Variants in KALRN observed in about 807,000 individuals in gnomAD.
The protein encoded by KALRN is kalirin.
KALRN carries 70 observed loss-of-function variants against 353.7 expected under a neutral mutation model. That is an observed-to-expected ratio of 0.20 (90% CI 0.16 to 0.24). The LOEUF is 0.24. Among genes scored for constraint, KALRN ranks in the 10% least tolerant of loss-of-function variants. KALRN has a pLI of 1.00. For missense variants in KALRN, 2,791 were observed against 3,756.7 expected, an observed-to-expected ratio of 0.74 and a Z score of 6.72; for synonymous variants, 1,391 against 1,434.8, an observed-to-expected ratio of 0.97 and a Z score of 0.69.
intron 34 of KALRN, among the ~76,000 whole-genome samples, chr3:124,587,449 GGAA>G (rs1160050561): frequency 6.6e-6 from 1 of 152,190 alleles, no homozygotes; most frequent in Admixed American, 6.5e-5. Context: ...AGAACCAAGA[GGAA>G]GTGGAATGTT....
At chr3:124,280,337 G>T (rs1250269652) in intron 5 of KALRN, among the ~76,000 whole-genome samples, 3 of 152,140 alleles carry the variant, frequency 2.0e-5, no homozygotes, top group African/African-American at 7.2e-5. Context: ...CCCTCCTGTA[G>T]TTACACCCTG....
intron 33 of KALRN, among the ~76,000 whole-genome samples, chr3:124,553,055 C>G (rs557741289): frequency 6.6e-6 from 1 of 152,092 alleles, no homozygotes; most frequent in Admixed American, 6.6e-5. Context: ...CGTGAGCCAC[C>G]GCGCCCAGCC....
At chr3:124,595,188 TG>T (rs2076163771) in intron 34 of KALRN, among the ~76,000 whole-genome samples, 1 of 145,918 alleles carries the variant, frequency 6.9e-6, no homozygotes, top group Admixed American at 6.8e-5. Flanking sequence ...TTTCCATGTG[TG>T]TTTTTTTTTC....
At chr3:124,174,157 G>C (rs765572406) in intron 1 of KALRN, among the ~76,000 whole-genome samples, 1 of 152,156 alleles carries the variant, frequency 6.6e-6, no homozygotes, top group Non-Finnish European at 1.5e-5. Flanking sequence ...ATTTGGGCCA[G>C]GCATGGTAGC....
intron 5 of KALRN, among the ~76,000 whole-genome samples, chr3:124,282,870 T>C (rs1300671092): frequency 6.6e-6 from 1 of 152,194 alleles, no homozygotes. Flanking sequence ...CCTGGCTCCC[T>C]GCATGGCCCC....
At chr3:124,682,730 GTTAA>G (rs200477317) in intron 51 of KALRN, among the ~76,000 whole-genome samples, 1,840 of 152,248 alleles carry the variant, frequency 0.012, 26 homozygotes, top group African/African-American at 0.041. Flanking sequence ...ATCCTTGAAG[GTTAA>G]TTAAGAAGAA....
chr3:124,094,492 T>G (rs1245452324), intron 1 of KALRN, among the ~76,000 whole-genome samples: 2 of 152,202 alleles, frequency 1.3e-5, no homozygotes, highest in Non-Finnish European at 2.9e-5. Flanking sequence ...ATTTAAGACA[T>G]GGACTTGACT....
In KALRN at chr3:124,503,457, T is replaced by TG. The variant is rs1471138390; in HGVS notation, c.4935+7044_4935+7045insG. Reference sequence around the variant, plus strand: ...TAAGCCCAAATTGTAATTTCTTTTTTTTTTTTAGCTTTCTTAATAATTCAA... The same window carrying TG: ...TAAGCCCAAATTGTAATTTCTTTTTTGTTTTTTAGCTTTCTTAATAATTCAA... On this transcript the variant is annotated intron_variant, in intron 33 of 59. Coordinates refer to ENST00000682506, the MANE Select transcript of KALRN (RefSeq NM_001388419.1). 2.6e-5 allele frequency among the ~76,000 whole-genome samples: 4 copies of TG among 151,914 alleles called. 1 individual carries two copies. Among genetic ancestry groups the TG allele is most frequent in the Admixed American group, 2.6e-4 (4 of 15,250 alleles).
chr3:124,627,334 C>A (rs2080072540), intron 34 of KALRN, among the ~76,000 whole-genome samples: 1 of 152,176 alleles, frequency 6.6e-6, no homozygotes, highest in Non-Finnish European at 1.5e-5. Flanking sequence ...AAACTTGAAA[C>A]AACAAAATAG....
chr3:124,420,210 A>T (rs1000539848), intron 14 of KALRN, among the ~76,000 whole-genome samples: 6 of 152,254 alleles, frequency 3.9e-5, no homozygotes, highest in African/African-American at 1.4e-4. Context: ...GTCTCAGGAC[A>T]TGCTGGGAGC....
chr3:124,242,624 G>T (rs1358140544), intron 3 of KALRN, among the ~76,000 whole-genome samples: 3 of 152,220 alleles, frequency 2.0e-5, no homozygotes, highest in Non-Finnish European at 2.9e-5. Context: ...ACAATGGTGG[G>T]CAGGGACCAC....
intron 1 of KALRN, among the ~76,000 whole-genome samples, chr3:124,142,333 C>A (rs1350655409): frequency 6.6e-6 from 1 of 152,212 alleles, no homozygotes; most frequent in Non-Finnish European, 1.5e-5. Context: ...TCTCTGTACC[C>A]AGCCAACACA....
intron 33 of KALRN, among the ~76,000 whole-genome samples, chr3:124,516,217 A>C (rs1036943432): frequency 2.0e-5 from 3 of 152,336 alleles, no homozygotes; most frequent in Non-Finnish European, 4.4e-5. Context: ...ATGTACAAAT[A>C]TTATTTAGAA....
intron 3 of KALRN, among the ~76,000 whole-genome samples, chr3:124,258,071 G>A (rs984692766): frequency 6.6e-6 from 1 of 152,182 alleles, no homozygotes; most frequent in African/African-American, 2.4e-5. Flanking sequence ...GTGAATGAGA[G>A]AACAGCCTTG....
At chr3:124,613,296 T>C (rs1172789519) in intron 34 of KALRN, among the ~76,000 whole-genome samples, 2 of 152,240 alleles carry the variant, frequency 1.3e-5, no homozygotes, top group Non-Finnish European at 2.9e-5. Context: ...CATCTTTTCA[T>C]GTTTGCCTTA....
intron 34 of KALRN, among the ~76,000 whole-genome samples, chr3:124,588,201 C>T (rs185989495): frequency 1.2e-3 from 184 of 152,248 alleles, no homozygotes; most frequent in African/African-American, 4.2e-3. Flanking sequence ...GAGATAATGG[C>T]ATGCATGTGT....
At chr3:124,712,812 T>C in intron 57 of KALRN, 123 bp from the exon 58 acceptor site, 1 of 615,400 alleles carries the variant, frequency 1.6e-6, no homozygotes, top group Non-Finnish European at 2.8e-6. Context: ...ATTAAAAATA[T>C]AGGAGAGTAG....
chr3:124,314,481 C>T lies in KALRN; in HGVS notation c.1093-11499C>T, dbSNP rs572814952. Reference sequence around the variant, plus strand: ...AACCCACACGTTGTGCACATATACCCTGGAACTTAAAGTATATTTAAAAAA... The same window carrying T: ...AACCCACACGTTGTGCACATATACCTTGGAACTTAAAGTATATTTAAAAAA... On this transcript the variant is annotated intron_variant, in intron 6 of 59. Transcript: ENST00000682506. 2.6e-5 allele frequency among the ~76,000 whole-genome samples: 4 copies of T among 152,116 alleles called. No individual in the cohort carries two copies. The South Asian group carries it at 8.3e-4, about 32-fold the overall frequency.
Position 124,482,920 on chromosome 3 carries a change from C to T in KALRN, c.4284+20C>T. ...CTGAAGGTACCTCCCCTCCCCTCTACATCCCCCTCCACTGCCTACTGCCTG... is the reference window on the plus strand; with the variant it reads ...CTGAAGGTACCTCCCCTCCCCTCTATATCCCCCTCCACTGCCTACTGCCTG... On this transcript the variant is annotated intron_variant, in intron 28 of 59. Coordinates refer to ENST00000682506, the MANE Select transcript of KALRN (RefSeq NM_001388419.1). 4 of 1,500,004 alleles carry T rather than the reference C, an allele frequency of 2.7e-6. No homozygotes were observed. The highest frequency in any genetic ancestry group is 3.7e-6 in the Non-Finnish European group (4 of 1,075,616). The allele number at this position is 1,500,004 out of a possible 1,614,324, so 92.9% of individuals were successfully genotyped here.
Sources: gnomAD v4.1 joint callset for allele counts (sites outside exome capture counted in the v4.1 genomes callset) on GRCh38, gnomAD v4.1.1 for gene constraint, MANE v1.5 for transcripts, NCBI Gene and HGNC (gene_info 2026-07-23, HGNC 2026-07-21) for gene names.